Variants in SNCAIP observed in about 807,000 individuals in gnomAD.
SNCAIP encodes the protein synphilin-1.
In SNCAIP, 43 loss-of-function variants were observed where a neutral mutation model predicts 86.7. The ratio of observed to expected loss-of-function variants is 0.50; its 90% CI spans 0.39 to 0.64. The LOEUF (loss-of-function observed/expected upper bound fraction) is 0.64, where lower values mean the gene tolerates loss of function less well. Ranked by LOEUF, SNCAIP falls within the 30% of genes least tolerant of loss-of-function variation. The pLI is 0.00. For synonymous variants in SNCAIP, 417 were observed against 427.2 expected, an observed-to-expected ratio of 0.98 and a Z score of 0.29; for missense variants, 981 against 1,103.1, an observed-to-expected ratio of 0.89 and a Z score of 1.57.
At chr5:122,404,988 C>T (rs758729600) in intron 3 of SNCAIP, among the ~76,000 whole-genome samples, 1 of 152,156 alleles carries the variant, frequency 6.6e-6, no homozygotes, top group Non-Finnish European at 1.5e-5. Flanking sequence ...TACTTACCTT[C>T]ACTTGTTTTT....
chr5:122,399,059 A>G (rs570923055), intron 2 of SNCAIP, among the ~76,000 whole-genome samples: 3 of 152,286 alleles, frequency 2.0e-5, no homozygotes, highest in African/African-American at 7.2e-5. Flanking sequence ...GAAAAGCCAA[A>G]TAATGTACTG....
chr5:122,365,191 ACT>A (rs1762930795), intron 1 of SNCAIP, among the ~76,000 whole-genome samples: 1 of 151,428 alleles, frequency 6.6e-6, no homozygotes, highest in Non-Finnish European at 1.5e-5. Flanking sequence ...CCCTGTCTGG[ACT>A]CTTTGGAACC....
In SNCAIP at chr5:122,434,104, C is replaced by T. The variant is rs188811288; in HGVS notation, c.1296+2022C>T. Among the ~76,000 whole-genome samples, 343 of 152,252 alleles carry T rather than the reference C, an allele frequency of 2.3e-3. 2 individuals carry two copies. Among genetic ancestry groups the T allele is most frequent in the African/African-American group, 7.9e-3 (330 of 41,562 alleles). On this transcript the variant is annotated intron_variant, in intron 6 of 10. Coordinates refer to ENST00000261368, the MANE Select transcript of SNCAIP (RefSeq NM_005460.4). ...GAAGAGAATAGGATTTTCAAATGAT[C>T]GGAAGAATTTGATCACTGTTCATCT... is the stretch of plus-strand genomic sequence containing the variant.
At chr5:122,416,044 T>A (rs1337538438) in intron 3 of SNCAIP, among the ~76,000 whole-genome samples, 1 of 152,210 alleles carries the variant, frequency 6.6e-6, no homozygotes, top group Non-Finnish European at 1.5e-5. Context: ...AGGTTTAAAG[T>A]TGTCAAAATA....
At chr5:122,354,522 C>A (rs1361181801) in intron 1 of SNCAIP, among the ~76,000 whole-genome samples, 1 of 152,062 alleles carries the variant, frequency 6.6e-6, no homozygotes, top group Non-Finnish European at 1.5e-5. Context: ...AGGCTTAGAG[C>A]CCATGGAAAG....
chr5:122,409,393 T>G (rs139295554), intron 3 of SNCAIP, among the ~76,000 whole-genome samples: 1 of 152,368 alleles, frequency 6.6e-6, no homozygotes, highest in East Asian at 1.9e-4. Flanking sequence ...GCTAAACTCA[T>G]TGTATAATTT....
chr5:122,330,517 CAG>C (rs1424377819), intron 1 of SNCAIP, among the ~76,000 whole-genome samples: 1 of 152,128 alleles, frequency 6.6e-6, no homozygotes, highest in Non-Finnish European at 1.5e-5. Context: ...TGTGTTATAA[CAG>C]AAAATTTGCC....
chr5:122,384,942 T>C (rs934749366), intron 1 of SNCAIP, among the ~76,000 whole-genome samples: 2 of 152,200 alleles, frequency 1.3e-5, no homozygotes, highest in African/African-American at 4.8e-5. Context: ...TAAATCAATG[T>C]TATGCGTCTT....
intron 10 of SNCAIP, among the ~76,000 whole-genome samples, chr5:122,459,254 G>A (rs906448399): frequency 2.3e-4 from 35 of 152,184 alleles, no homozygotes; most frequent in Admixed American, 1.8e-3. Flanking sequence ...CGGAAATGTC[G>A]TGCGTGCCGT....
At chr5:122,366,877 G>C (rs1326455297) in intron 1 of SNCAIP, among the ~76,000 whole-genome samples, 8 of 151,918 alleles carry the variant, frequency 5.3e-5, no homozygotes, top group Non-Finnish European at 8.8e-5. Flanking sequence ...TAGACTCCTA[G>C]AATTATTTTT....
At chr5:122,385,625 T>A (rs1767950383) in intron 1 of SNCAIP, among the ~76,000 whole-genome samples, 1 of 151,844 alleles carries the variant, frequency 6.6e-6, no homozygotes, top group Non-Finnish European at 1.5e-5. Context: ...GCTTTCAAAT[T>A]GAAAATTTTT....
At chr5:122,456,437 C>A (rs1204254176) in intron 10 of SNCAIP, among the ~76,000 whole-genome samples, 2 of 152,120 alleles carry the variant, frequency 1.3e-5, no homozygotes, top group East Asian at 3.9e-4. Context: ...TATCATTCCC[C>A]CACCCCTAAC....
chr5:122,416,786 C>T (rs769235796), intron 3 of SNCAIP, among the ~76,000 whole-genome samples: 1 of 152,150 alleles, frequency 6.6e-6, no homozygotes, highest in Non-Finnish European at 1.5e-5. Context: ...TTAATACTCC[C>T]AATCATTCAT....
chr5:122,350,383 G>T (rs893379063), intron 1 of SNCAIP, among the ~76,000 whole-genome samples: 1 of 151,904 alleles, frequency 6.6e-6, no homozygotes. Context: ...TAATTTTTTA[G>T]TATTATTATT....
In SNCAIP at chr5:122,318,709, A is replaced by G. The variant is rs111521656; in HGVS notation, c.-47+6425A>G. Among the ~76,000 whole-genome samples, 1,440 of 152,310 alleles carry G rather than the reference A, an allele frequency of 9.5e-3. 14 individuals carry two copies. Among genetic ancestry groups the G allele is most frequent in the African/African-American group, 0.032 (1,345 of 41,548 alleles). On this transcript the variant is annotated intron_variant, in intron 1 of 10. Coordinates refer to ENST00000261368, the MANE Select transcript of SNCAIP (RefSeq NM_005460.4). ...CAACAGTTTTCTCAATGGTTTATAT[A>G]CTTACTTATTACTTGGTCACTAATA...
At chr5:122,313,343 G>A (rs1305433134) in intron 1 of SNCAIP, among the ~76,000 whole-genome samples, 9 of 152,360 alleles carry the variant, frequency 5.9e-5, no homozygotes, top group African/African-American at 2.2e-4. Context: ...CACACACCAC[G>A]TGCCGTGGAG....
chr5:122,402,698 A>G (rs1381842729), intron 2 of SNCAIP, among the ~76,000 whole-genome samples: 1 of 152,216 alleles, frequency 6.6e-6, no homozygotes, highest in African/African-American at 2.4e-5. Flanking sequence ...CTTCTTACTG[A>G]TAAATGTGTC....
chr5:122,421,961 C>G (rs1776446235), intron 3 of SNCAIP, among the ~76,000 whole-genome samples: 3 of 142,988 alleles, frequency 2.1e-5, no homozygotes, highest in African/African-American at 5.1e-5. Context: ...GACACTTACT[C>G]AAATGCAAAC....
chr5:122,346,787 T>C (rs2152733827), intron 1 of SNCAIP, among the ~76,000 whole-genome samples: 1 of 151,758 alleles, frequency 6.6e-6, no homozygotes, highest in Admixed American at 6.6e-5. Flanking sequence ...AGGGTTGAAA[T>C]GATCTAGTTG....
Sources: gnomAD v4.1 joint callset for allele counts (sites outside exome capture counted in the v4.1 genomes callset) on GRCh38, gnomAD v4.1.1 for gene constraint, MANE v1.5 for transcripts, NCBI Gene and HGNC (gene_info 2026-07-23, HGNC 2026-07-21) for gene names.